Variants in DOK6 observed in about 807,000 individuals in gnomAD.
The protein encoded by DOK6 is docking protein 6.
Under a neutral mutation model 44.0 loss-of-function variants are expected in DOK6, and 22 were observed. That is an observed-to-expected ratio of 0.50 (90% CI 0.36 to 0.71). DOK6 has a LOEUF of 0.71. DOK6 is among the 30% of genes least tolerant of loss of function. The pLI is 0.00. For missense variants in DOK6, 340 were observed against 416.4 expected (o/e 0.82, Z 1.60); for synonymous variants, 166 against 145.5 (o/e 1.14, Z -1.01).
At chr18:69,731,941 T>C (rs116387750) in intron 5 of DOK6, among the ~76,000 whole-genome samples, 1,842 of 152,272 alleles carry the variant, frequency 0.012, 40 homozygotes, top group African/African-American at 0.042. Flanking sequence ...ACAGATGCCC[T>C]CAAACAAGTT....
chr18:69,660,539 G>T (rs866023208), intron 3 of DOK6: 10 of 152,030 alleles, frequency 6.6e-5, no homozygotes, highest in African/African-American at 2.2e-4. Context: ...GACAGATTTA[G>T]CAGGATTAAC....
chr18:69,473,336 C>A lies in DOK6; in HGVS notation c.66+72026C>A, dbSNP rs192606650. 4.6e-5 allele frequency among the ~76,000 whole-genome samples: 7 copies of A among 152,008 alleles called. No homozygotes were observed. In the East Asian group the frequency reaches 1.4e-3, roughly 29 times the overall value. ...GTTTTTATTTGTTAAATATGGCAAC[C>A]CTAATTTTTAAACAATTTTAAGTGA... On this transcript the variant is annotated intron_variant, in intron 1 of 7. Transcript: ENST00000382713.
At chr18:69,507,176 T>C (rs1192328951) in intron 1 of DOK6, among the ~76,000 whole-genome samples, 4 of 151,950 alleles carry the variant, frequency 2.6e-5, no homozygotes, top group East Asian at 1.9e-4. Flanking sequence ...TACAGGCGCG[T>C]GCCACCGTGG....
intron 5 of DOK6, among the ~76,000 whole-genome samples, chr18:69,712,025 T>C (rs1986767959): frequency 6.6e-6 from 1 of 151,846 alleles, no homozygotes; most frequent in African/African-American, 2.4e-5. Flanking sequence ...CTCACGCCTG[T>C]AATCCCAGCA....
At chr18:69,493,838 T>C (rs145578479) in intron 1 of DOK6, among the ~76,000 whole-genome samples, 11 of 152,336 alleles carry the variant, frequency 7.2e-5, no homozygotes, top group Non-Finnish European at 4.4e-5. Context: ...GGAGCAATCA[T>C]TGACAAACAA....
At chr18:69,484,232 C>T (rs1214690075) in intron 1 of DOK6, among the ~76,000 whole-genome samples, 1 of 151,968 alleles carries the variant, frequency 6.6e-6, no homozygotes, top group African/African-American at 2.4e-5. Context: ...TTTTGATTAA[C>T]TGGTTTCTAT....
intron 1 of DOK6, among the ~76,000 whole-genome samples, chr18:69,444,923 G>A (rs1979240561): frequency 6.6e-6 from 1 of 151,952 alleles, no homozygotes; most frequent in South Asian, 2.1e-4. Context: ...TTGTGGCAGT[G>A]GGGTATTGTC....
intron 3 of DOK6, among the ~76,000 whole-genome samples, chr18:69,669,504 C>A (rs1985742387): frequency 6.6e-6 from 1 of 152,166 alleles, no homozygotes; most frequent in Admixed American, 6.5e-5. Flanking sequence ...TCCTCTAAAC[C>A]CAATGTGTTT....
chr18:69,401,371 G>A (rs570103532), intron 1 of DOK6, 61 bp downstream of exon 1: 2 of 1,291,104 alleles, frequency 1.5e-6, no homozygotes, highest in Admixed American at 3.3e-5. Flanking sequence ...TGGCTGCCTG[G>A]GGGGGGGGCA....
chr18:69,792,695 C>T (rs551945992), intron 7 of DOK6, among the ~76,000 whole-genome samples: 2 of 151,868 alleles, frequency 1.3e-5, no homozygotes, highest in Non-Finnish European at 2.9e-5. Context: ...TGTCTGATTG[C>T]TCTAACTAGG....
chr18:69,680,753 C>T (rs1437714358), intron 4 of DOK6, among the ~76,000 whole-genome samples: 1 of 152,188 alleles, frequency 6.6e-6, no homozygotes, highest in Non-Finnish European at 1.5e-5. Flanking sequence ...TATAAAACCT[C>T]ATGGTAAAGA....
At chr18:69,792,569 T>G (rs1207680610) in intron 7 of DOK6, among the ~76,000 whole-genome samples, 1 of 152,140 alleles carries the variant, frequency 6.6e-6, no homozygotes, top group African/African-American at 2.4e-5. Context: ...TAAATCAATT[T>G]TAATAGTTTT....
At chr18:69,561,248 T>G (rs1172360898) in intron 1 of DOK6, among the ~76,000 whole-genome samples, 1 of 152,162 alleles carries the variant, frequency 6.6e-6, no homozygotes, top group Non-Finnish European at 1.5e-5. Context: ...GTAAGTGGCA[T>G]AGCCATAATG....
chr18:69,742,457 T>C (rs1978837506), intron 6 of DOK6, among the ~76,000 whole-genome samples: 1 of 151,288 alleles, frequency 6.6e-6, no homozygotes, highest in South Asian at 2.1e-4. Context: ...TTTATCAACA[T>C]TGTGAGAAAA....
intron 3 of DOK6, among the ~76,000 whole-genome samples, chr18:69,636,926 T>A (rs1463028700): frequency 6.6e-6 from 1 of 152,204 alleles, no homozygotes; most frequent in African/African-American, 2.4e-5. Context: ...TCTAAGTAAA[T>A]GAGGTGAGTT....
At chr18:69,558,241 T>C (rs4603664) in intron 1 of DOK6, among the ~76,000 whole-genome samples, 151,806 of 152,224 alleles carry the variant, frequency 1, 75,696 homozygotes, top group East Asian at 1. Flanking sequence ...TCTGGTTTGA[T>C]GAAGAGTACA....
At chr18:69,612,539 C>G (rs1351210644) in intron 3 of DOK6, among the ~76,000 whole-genome samples, 1 of 120,646 alleles carries the variant, frequency 8.3e-6, no homozygotes, top group Non-Finnish European at 1.8e-5. Context: ...CTGGCACCAA[C>G]ACCTCACCCA....
At chr18:69,776,809 A>G (rs1485431837) in intron 7 of DOK6, among the ~76,000 whole-genome samples, 1 of 152,052 alleles carries the variant, frequency 6.6e-6, no homozygotes, top group Non-Finnish European at 1.5e-5. Flanking sequence ...AGTATTCATC[A>G]AGAGGTATCA....
At chr18:69,425,203 A>C (rs1236168498) in intron 1 of DOK6, among the ~76,000 whole-genome samples, 1 of 152,106 alleles carries the variant, frequency 6.6e-6, no homozygotes, top group African/African-American at 2.4e-5. Flanking sequence ...GCATTGTATC[A>C]TTATGTAAAT....
Sources: gnomAD v4.1 joint callset for allele counts (sites outside exome capture counted in the v4.1 genomes callset) on GRCh38, gnomAD v4.1.1 for gene constraint, MANE v1.5 for transcripts, NCBI Gene and HGNC (gene_info 2026-07-23, HGNC 2026-07-21) for gene names.